The following PPP2R3C variants were observed in gnomAD, a reference collection of about 807,000 sequenced individuals.
PPP2R3C encodes serine/threonine-protein phosphatase 2A regulatory subunit B'' subunit gamma.
In PPP2R3C, 47 loss-of-function variants were observed where a neutral mutation model predicts 63.7. That is an observed-to-expected ratio of 0.74 (90% confidence interval 0.58 to 0.94). The LOEUF (loss-of-function observed/expected upper bound fraction) is 0.94, where lower values mean the gene tolerates loss of function less well. Among genes scored for constraint, PPP2R3C ranks in the 40% least tolerant of loss-of-function variants. The probability of loss-of-function intolerance (pLI) is 0.00; values close to 1 mark genes in which losing one functional copy is unlikely to be tolerated. For synonymous variants in PPP2R3C, 180 were observed against 177.4 expected (o/e 1.01, Z -0.12); for missense variants, 421 against 518.4 (o/e 0.81, Z 1.82).
chr14:35,090,739 G>A (rs944175475), intron 11 of PPP2R3C, among the ~76,000 whole-genome samples: 18 of 120,610 alleles, frequency 1.5e-4, no homozygotes, highest in African/African-American at 2.6e-4. Context: ...TTTTTGAGAC[G>A]GAGTCTCGCT....
Position 35,108,154 on chromosome 14 carries a change from A to G in PPP2R3C, c.487T>C (p.Tyr163His). ...AATGAATCACCTTTTCTCATGACAT[A>G]ATTAAAGAACTGCATGATGGAAATT... ...GRISIMQFFN[Y>H]VMRKVWLHQT... Residue 163 changes from tyrosine to histidine, a missense_variant, in exon 5 of 13, where the codon TAT becomes CAT. Coordinates refer to ENST00000261475, the MANE Select transcript of PPP2R3C (RefSeq NM_017917.4). The G allele has an allele frequency of 6.2e-7, 1 of 1,608,102 alleles. No homozygotes were observed. The highest frequency in any genetic ancestry group is 1.1e-5 in the South Asian group (1 of 88,994).
At position 35,116,574 on chromosome 14, in the gene PPP2R3C, T is replaced by C. The variant is rs1473715239; in HGVS notation, c.186+36A>G. ...CTTGCCAAAAATTATATTTCATTTT[T>C]AAACTCTGCAGGACATTTGATTAGA... On this transcript the variant is annotated intron_variant, in intron 2 of 12. Coordinates refer to ENST00000261475, the MANE Select transcript of PPP2R3C (RefSeq NM_017917.4). 6.7e-6 allele frequency: 10 copies of C among 1,481,754 alleles called. 1 individual carries two copies. Among genetic ancestry groups the C allele is most frequent in the Non-Finnish European group, 9.0e-6 (10 of 1,110,746 alleles). The allele number at this position is 1,481,754 out of a possible 1,614,324, so 91.8% of individuals were successfully genotyped here. A position where few individuals can be genotyped will look rare whatever the true frequency, so the allele number is the denominator to read the frequency against.
chr14:35,087,030 G>A (rs1351767590), intron 12 of PPP2R3C: 4 of 152,122 alleles, frequency 2.6e-5, no homozygotes, highest in African/African-American at 9.7e-5. Context: ...ATGTTTCAGA[G>A]ATAGTGACAA....
intron 10 of PPP2R3C, among the ~76,000 whole-genome samples, chr14:35,092,015 CAG>C (rs1173719760): frequency 1.3e-5 from 2 of 152,014 alleles, no homozygotes; most frequent in Middle Eastern, 3.2e-3. Flanking sequence ...CCACTGTGCC[CAG>C]CCCTAGTTCA....
intron 11 of PPP2R3C, 115 bp downstream of exon 11, chr14:35,090,955 T>A: frequency 1.1e-6 from 1 of 911,820 alleles, no homozygotes; most frequent in Non-Finnish European, 1.6e-6. Flanking sequence ...GACCTTGTGA[T>A]CCACCTGCCT....
intron 1 of PPP2R3C, among the ~76,000 whole-genome samples, chr14:35,120,584 C>T (rs2046844306): frequency 6.6e-6 from 1 of 152,128 alleles, no homozygotes; most frequent in Admixed American, 6.6e-5. Flanking sequence ...TATTAAAATA[C>T]AAGTTCATCA....
intron 11 of PPP2R3C, 165 bp from the exon 12 acceptor site, chr14:35,088,175 AGT>A: frequency 1.6e-6 from 1 of 632,562 alleles, no homozygotes; most frequent in South Asian, 1.9e-5. Context: ...ATTCCACATC[AGT>A]GAGCAAAACC....
chr14:35,090,482 G>C (rs2138608052), intron 11 of PPP2R3C, among the ~76,000 whole-genome samples: 1 of 151,634 alleles, frequency 6.6e-6, no homozygotes, highest in Non-Finnish European at 1.5e-5. Flanking sequence ...CTGCAGCCTG[G>C]GCGACAGAGC....
chr14:35,091,749 C>G (rs1053313028), intron 10 of PPP2R3C, among the ~76,000 whole-genome samples: 5 of 151,638 alleles, frequency 3.3e-5, no homozygotes, highest in Non-Finnish European at 5.9e-5. Context: ...GAGACGGAGT[C>G]TTGCTCTATT....
At chr14:35,087,661 A>G (rs559270892) in intron 12 of PPP2R3C, 21 of 317,066 alleles carry the variant, frequency 6.6e-5, no homozygotes, top group African/African-American at 4.4e-4. Flanking sequence ...CAGCCTCCCA[A>G]CGTGCTGGGA....
intron 11 of PPP2R3C, among the ~76,000 whole-genome samples, chr14:35,090,316 A>C (rs557809395): frequency 7.1e-6 from 1 of 140,146 alleles, no homozygotes; most frequent in East Asian, 2.1e-4. Context: ...ATTTCAGCTC[A>C]CTGCAACCTC....
rs1458025610 is a variant in PPP2R3C, at chr14:35,121,841, C to G, written c.58+61G>C. On this transcript the variant is annotated intron_variant, in intron 1 of 12. Coordinates refer to ENST00000261475, the MANE Select transcript of PPP2R3C (RefSeq NM_017917.4). ...CCCCTTGCTCCTCCTCCCCACCTCCCCCCTACCTCTAGGAGTTTAGGGCCG... is the reference window on the plus strand; with the variant it reads ...CCCCTTGCTCCTCCTCCCCACCTCCGCCCTACCTCTAGGAGTTTAGGGCCG... 14 of 1,574,806 alleles carry G rather than the reference C, an allele frequency of 8.9e-6. No homozygotes were observed. In the Admixed American group the frequency reaches 2.1e-4, roughly 23 times the overall value.
At chr14:35,109,335 A>G (rs930296860) in intron 4 of PPP2R3C, among the ~76,000 whole-genome samples, 1 of 151,898 alleles carries the variant, frequency 6.6e-6, no homozygotes, top group Non-Finnish European at 1.5e-5. Context: ...GATTACAGGC[A>G]TGAGCCACCA....
chr14:35,111,886 C>A (rs1033207414), intron 2 of PPP2R3C, among the ~76,000 whole-genome samples: 2 of 152,178 alleles, frequency 1.3e-5, no homozygotes, highest in South Asian at 2.1e-4. Flanking sequence ...ACCCTAGCCT[C>A]CAACTTTTCA....
intron 4 of PPP2R3C, among the ~76,000 whole-genome samples, 155 bp from the exon 5 acceptor site, chr14:35,108,391 CTT>C (rs10656897): frequency 6.2e-5 from 9 of 145,994 alleles, no homozygotes; most frequent in Non-Finnish European, 7.6e-5. Flanking sequence ...TTAAGTCAAA[CTT>C]TTTTTTTTTT....
intron 10 of PPP2R3C, among the ~76,000 whole-genome samples, chr14:35,093,898 G>C (rs1193615517): frequency 6.6e-6 from 1 of 152,086 alleles, no homozygotes; most frequent in African/African-American, 2.4e-5. Context: ...TGATCCACCC[G>C]CCTCGGCCTC....
intron 7 of PPP2R3C, 61 bp from the exon 8 acceptor site, chr14:35,096,825 TA>T (rs925454484): frequency 3.9e-4 from 562 of 1,423,562 alleles, no homozygotes; most frequent in African/African-American, 3.3e-3. Context: ...CTCAATTAAT[TA>T]AAAAAAAATT....
intron 6 of PPP2R3C, chr14:35,101,880 TTTTTAC>T (rs533728139): frequency 5.3e-5 from 8 of 152,168 alleles, no homozygotes; most frequent in Non-Finnish European, 1.0e-4. Flanking sequence ...TGTTGTTTTC[TTTTTAC>T]TTTAACATGG....
chr14:35,115,997 CAA>C (rs1331095266), intron 2 of PPP2R3C, among the ~76,000 whole-genome samples: 1 of 152,070 alleles, frequency 6.6e-6, no homozygotes, highest in African/African-American at 2.4e-5. Context: ...AACTTTATAA[CAA>C]AGTGTATACC....
Sources: gnomAD v4.1 joint callset for allele counts (sites outside exome capture counted in the v4.1 genomes callset) on GRCh38, gnomAD v4.1.1 for gene constraint, MANE v1.5 for transcripts, NCBI Gene and HGNC (gene_info 2026-07-23, HGNC 2026-07-21) for gene names.